STK3: variants seen among roughly 807,000 people sequenced by gnomAD.
The protein encoded by STK3 is serine/threonine kinase 3.
In STK3, 41 loss-of-function variants were observed where a neutral mutation model predicts 58.0. That is an observed-to-expected ratio of 0.71 (90% CI 0.55 to 0.92). STK3 has a LOEUF of 0.92. STK3 is among the 40% of genes least tolerant of loss of function. STK3 has a pLI of 0.00. For synonymous variants in STK3, 170 were observed against 191.0 expected (o/e 0.89, Z 0.91); for missense variants, 479 against 602.7 (o/e 0.79, Z 2.15).
intron 3 of STK3, chr8:98,875,324 A>T (rs140931808): frequency 1.3e-5 from 2 of 152,352 alleles, no homozygotes; most frequent in African/African-American, 4.8e-5. Context: ...CAAACTGGAA[A>T]GAACATTCTT....
chr8:98,918,462 TA>T (rs1342553111), intron 1 of STK3, among the ~76,000 whole-genome samples: 1 of 152,176 alleles, frequency 6.6e-6, no homozygotes. Context: ...GAATACAACT[TA>T]GTATTTATTA....
At chr8:98,511,523 T>C (rs1349646079) in intron 10 of STK3, among the ~76,000 whole-genome samples, 1 of 152,166 alleles carries the variant, frequency 6.6e-6, no homozygotes, top group Non-Finnish European at 1.5e-5. Context: ...ATATATTAAG[T>C]ACATCAATAT....
At chr8:98,425,262 C>T (rs1185951617) in intron 3 of STK3, among the ~76,000 whole-genome samples, 1 of 152,058 alleles carries the variant, frequency 6.6e-6, no homozygotes, top group African/African-American at 2.4e-5. Flanking sequence ...ACACACAGAC[C>T]CTGAAAGAAA....
chr8:98,484,847 A>G (rs543634200), intron 10 of STK3, among the ~76,000 whole-genome samples: 1 of 152,306 alleles, frequency 6.6e-6, no homozygotes, highest in East Asian at 1.9e-4. Context: ...CATATACACA[A>G]ACTACATATT....
intron 6 of STK3, among the ~76,000 whole-genome samples, chr8:98,671,395 T>C (rs984110350): frequency 1.3e-5 from 2 of 152,112 alleles, no homozygotes; most frequent in African/African-American, 4.8e-5. Context: ...GGAAATGCCA[T>C]AAATTACATA....
chr8:98,645,620 T>C (rs1272294507), intron 6 of STK3, among the ~76,000 whole-genome samples: 1 of 152,170 alleles, frequency 6.6e-6, no homozygotes, highest in East Asian at 1.9e-4. Flanking sequence ...TGTGAGGTAC[T>C]TTATGACAGA....
At chr8:98,514,539 C>T (rs1382843281) in intron 10 of STK3, among the ~76,000 whole-genome samples, 1 of 150,564 alleles carries the variant, frequency 6.6e-6, no homozygotes, top group African/African-American at 2.5e-5. Flanking sequence ...CCCCTACCTC[C>T]CCACAAAAAA....
At chr8:98,590,709 A>G (rs1201976479) in intron 7 of STK3, among the ~76,000 whole-genome samples, 1 of 152,220 alleles carries the variant, frequency 6.6e-6, no homozygotes, top group Non-Finnish European at 1.5e-5. Context: ...ATGTAGAAAC[A>G]TGAGTTGGAT....
At chr8:98,403,448 G>A (rs1210965795) in intron 3 of STK3, among the ~76,000 whole-genome samples, 1 of 152,222 alleles carries the variant, frequency 6.6e-6, no homozygotes, top group African/African-American at 2.4e-5. Flanking sequence ...GTAAGCCAAT[G>A]AAAGATCATT....
chr8:98,922,336 T>G (rs1839597665), intron 1 of STK3, among the ~76,000 whole-genome samples: 1 of 152,178 alleles, frequency 6.6e-6, no homozygotes, highest in Non-Finnish European at 1.5e-5. Context: ...GTTATTGGGC[T>G]TCAGAGAGTC....
rs1004200417 is a variant in STK3, at chr8:98,741,127, C to T, written c.351+8149G>A. Among the ~76,000 whole-genome samples, 134 of 152,296 alleles carry T rather than the reference C, an allele frequency of 8.8e-4. 1 individual carries two copies. The highest frequency in any genetic ancestry group is 3.0e-3 in the African/African-American group (125 of 41,554). Reference sequence around the variant, plus strand: ...TGACTGACCTACATAGAGACTTAGACTCCCACACAATAATAATGGGAGACT... The same window carrying T: ...TGACTGACCTACATAGAGACTTAGATTCCCACACAATAATAATGGGAGACT... On this transcript the variant is annotated intron_variant, in intron 4 of 10. Coordinates refer to ENST00000419617, the MANE Select transcript of STK3 (RefSeq NM_006281.4).
rs183036450 is a variant in STK3 at position 98,800,857 on chromosome 8, G to A, written c.26+24658C>T. On this transcript the variant is annotated intron_variant, in intron 1 of 10. Transcript: ENST00000419617. The surrounding 1 kb of genome is among the most constrained non-coding windows in gnomAD (Gnocchi z 4.8). ...GGGCTCAGGACCTGCAGCCCCCCAT[G>A]CCAGAGCCCCCCCCACCAAGGTGGG... Among the ~76,000 whole-genome samples the A allele has an allele frequency of 6.6e-6, 1 of 152,322 alleles. No individual in the cohort carries two copies. The highest frequency in any genetic ancestry group is 1.5e-5 in the Non-Finnish European group (1 of 68,026).
At chr8:98,708,125 C>T (rs1251949893) in intron 4 of STK3, among the ~76,000 whole-genome samples, 12 of 150,058 alleles carry the variant, frequency 8.0e-5, no homozygotes, top group East Asian at 2.0e-4. Context: ...GGCGACACAG[C>T]GAGACTCCAT....
In STK3 at chr8:98,416,784, A is replaced by AT. The variant is rs531508378; in HGVS notation, n.484-15272dup. On this transcript the variant is annotated intron_variant and non_coding_transcript_variant, in intron 3 of 3. Transcript: ENST00000517832. ...AGCAGAGAAATGAAAAATTAGCTTA[A>AT]TTTTTTGGCTGCAGGGAAGGGTGTG... 2.0e-5 allele frequency among the ~76,000 whole-genome samples: 3 copies of AT among 152,322 alleles called. No homozygotes were observed. In the East Asian group the frequency reaches 5.8e-4, roughly 29 times the overall value.
chr8:98,516,937 G>A (rs988490712), intron 10 of STK3, among the ~76,000 whole-genome samples: 1 of 151,890 alleles, frequency 6.6e-6, no homozygotes, highest in African/African-American at 2.4e-5. Flanking sequence ...CTAAACTGAA[G>A]GTCTGTGAGA....
intron 9 of STK3, among the ~76,000 whole-genome samples, chr8:98,534,461 C>G (rs1308799111): frequency 2.6e-5 from 4 of 152,086 alleles, no homozygotes; most frequent in Non-Finnish European, 5.9e-5. Flanking sequence ...TCATAACAGA[C>G]TTTACAAGTA....
chr8:98,656,348 G>C (rs548730909), intron 6 of STK3, among the ~76,000 whole-genome samples: 9 of 152,054 alleles, frequency 5.9e-5, no homozygotes, highest in Admixed American at 1.3e-4. Context: ...GGTGGGAGGT[G>C]GGGGGAGGGA....
At chr8:98,651,837 A>C (rs1490265075) in intron 6 of STK3, 2 of 152,238 alleles carry the variant, frequency 1.3e-5, no homozygotes, top group East Asian at 1.9e-4. Flanking sequence ...CTATGTGAAA[A>C]GACCAGATCT....
chr8:98,463,911 A>G (rs1321066581), intron 10 of STK3, among the ~76,000 whole-genome samples: 1 of 152,158 alleles, frequency 6.6e-6, no homozygotes, highest in Non-Finnish European at 1.5e-5. Context: ...GTCAAAATAA[A>G]TGAGACACTA....
Sources: gnomAD v4.1 joint callset for allele counts (sites outside exome capture counted in the v4.1 genomes callset) on GRCh38, gnomAD v4.1.1 for gene constraint, Gnocchi (gnomAD v3.1) non-coding constraint, MANE v1.5 for transcripts, NCBI Gene and HGNC (gene_info 2026-07-23, HGNC 2026-07-21) for gene names.